Variants in TCP11L2 observed in about 807,000 individuals in gnomAD.
The protein encoded by TCP11L2 is T-complex protein 11-like protein 2.
A neutral mutation model predicts 50.7 loss-of-function variants in TCP11L2; 39 were observed. The ratio of observed to expected loss-of-function variants is 0.77; its 90% CI spans 0.60 to 1.01. TCP11L2 has a LOEUF of 1.01. Among genes scored for constraint, TCP11L2 ranks in the 50% least tolerant of loss-of-function variants. The probability of loss-of-function intolerance (pLI) is 0.00; values close to 1 mark genes in which losing one functional copy is unlikely to be tolerated. For synonymous variants in TCP11L2, 192 were observed against 219.3 expected, an observed-to-expected ratio of 0.88 and a Z score of 1.10; for missense variants, 612 against 614.7, an observed-to-expected ratio of 1.00 and a Z score of 0.05.
At chr12:106,335,596 A>T in intron 6 of TCP11L2, 43 bp from the exon 7 acceptor site, 1 of 1,593,136 alleles carries the variant, frequency 6.3e-7, no homozygotes, top group Non-Finnish European at 8.6e-7. Flanking sequence ...CAGTGAAGGG[A>T]TCAATCAGCT....
At chr12:106,322,783 C>G (rs1429338513) in intron 5 of TCP11L2, among the ~76,000 whole-genome samples, 1 of 152,220 alleles carries the variant, frequency 6.6e-6, no homozygotes, top group Non-Finnish European at 1.5e-5. Context: ...GTGACACTCT[C>G]TGTCAAATGG....
At chr12:106,338,564 T>C (rs780506753) in intron 8 of TCP11L2, among the ~76,000 whole-genome samples, 11 of 152,376 alleles carry the variant, frequency 7.2e-5, no homozygotes, top group Admixed American at 5.2e-4. Flanking sequence ...CAGTCCACCA[T>C]TGATGGTCAT....
In TCP11L2 at chr12:106,346,313, G is replaced by A; in HGVS notation, c.1343G>A (p.Arg448Lys). ...AAACGAATTAAGCTTTACATGAGAA[G>A]GCTACTTTGTCTTCCAAGCCCTCAA... ...IDKRIKLYMR[R>K]LLCLPSPQKC... The change falls in exon 10 of 10, where the codon AGG (arginine) becomes AAG (lysine). Residue 448 changes from arginine (R) to lysine (K), a missense_variant. Transcript: ENST00000299045. 1 of 1,612,530 alleles carries A rather than the reference G, an allele frequency of 6.2e-7. No homozygotes were observed.
rs1555201345 is a variant in TCP11L2, at chr12:106,313,582, A to AAAT, written c.158-774_158-773insTAA. On this transcript the variant is annotated intron_variant, in intron 2 of 9. Coordinates refer to ENST00000299045, the MANE Select transcript of TCP11L2 (RefSeq NM_152772.3). ...CAACAGAGTGAGACTCCATCTCAAA[A>AAAT]AAATAAATAAATAAATAAATAAATA... Among the ~76,000 whole-genome samples, 12 of 139,390 alleles carry AAAT rather than the reference A, an allele frequency of 8.6e-5. No homozygotes were observed. The South Asian group carries it at 1.4e-3, about 16-fold the overall frequency. The allele number at this position is 139,390 out of a possible 152,430, so 91.4% of individuals were successfully genotyped here. A position where few individuals can be genotyped will look rare whatever the true frequency, so the allele number is the denominator to read the frequency against.
At chr12:106,336,406 G>T (rs778532262) in intron 8 of TCP11L2, among the ~76,000 whole-genome samples, 193 bp downstream of exon 8, 11 of 152,088 alleles carry the variant, frequency 7.2e-5, no homozygotes, top group Non-Finnish European at 1.6e-4. Context: ...GAAGGGAGAG[G>T]TGTTTTCCAT....
intron 4 of TCP11L2, among the ~76,000 whole-genome samples, chr12:106,320,799 G>A (rs1463743529): frequency 6.6e-6 from 1 of 152,188 alleles, no homozygotes; most frequent in Non-Finnish European, 1.5e-5. Context: ...ACAATGTGCC[G>A]TGAAAGTGCT....
chr12:106,315,419 A>G (rs1036413347), intron 3 of TCP11L2, among the ~76,000 whole-genome samples: 6 of 152,102 alleles, frequency 3.9e-5, no homozygotes, highest in African/African-American at 1.4e-4. Flanking sequence ...CTTTTTGTTA[A>G]GAGGTCTTAT....
At chr12:106,315,265 A>C (rs2035033762) in intron 3 of TCP11L2, among the ~76,000 whole-genome samples, 1 of 152,008 alleles carries the variant, frequency 6.6e-6, no homozygotes, top group African/African-American at 2.4e-5. Context: ...CAAACAAAAA[A>C]ATTCCCCTAG....
At chr12:106,320,263 T>C (rs948857769) in intron 4 of TCP11L2, among the ~76,000 whole-genome samples, 3 of 152,078 alleles carry the variant, frequency 2.0e-5, no homozygotes, top group African/African-American at 7.2e-5. Flanking sequence ...CTGGATGTGG[T>C]GGTGCACCCC....
chr12:106,328,775 G>T (rs1472343709), intron 6 of TCP11L2, among the ~76,000 whole-genome samples: 2 of 152,188 alleles, frequency 1.3e-5, no homozygotes, highest in Non-Finnish European at 2.9e-5. Context: ...CAAAGGAAAA[G>T]CCAAAATGTC....
chr12:106,342,325 G>T (rs2036114504), intron 9 of TCP11L2, among the ~76,000 whole-genome samples: 1 of 152,184 alleles, frequency 6.6e-6, no homozygotes, highest in Admixed American at 6.5e-5. Flanking sequence ...ATACGACATT[G>T]TGGGCTGCTG....
chr12:106,319,379 T>G (rs912074506), intron 4 of TCP11L2, among the ~76,000 whole-genome samples: 1 of 152,152 alleles, frequency 6.6e-6, no homozygotes, highest in Non-Finnish European at 1.5e-5. Context: ...AGCAGTTTTT[T>G]CCCCCCAAAG....
chr12:106,311,679 T>C (rs892410529), intron 2 of TCP11L2, among the ~76,000 whole-genome samples: 2 of 152,200 alleles, frequency 1.3e-5, no homozygotes, highest in Admixed American at 6.5e-5. Context: ...CAAAAAAATA[T>C]TGTGCAAATC....
At chr12:106,302,337 GCTCAGCCCCCGCTCAGCCC>G (rs2034441321), upstream of TCP11L2, among the ~76,000 whole-genome samples, 1 of 5,688 alleles carries the variant, frequency 1.8e-4, no homozygotes, top group Non-Finnish European at 3.4e-4. Context: ...CTCAGCCCCC[GCTCAGCCCCCGCTCAGCCC>G]CCGCTCAGCC....
chr12:106,329,232 ATCCCCAG>A, intron 6 of TCP11L2: 1 of 1,439,956 alleles, frequency 6.9e-7, no homozygotes, highest in Non-Finnish European at 9.4e-7. Flanking sequence ...TTACCTTTAA[ATCCCCAG>A]TACTTGGTAC....
chr12:106,329,264 A>AGTAG, intron 6 of TCP11L2: 2 of 1,523,712 alleles, frequency 1.3e-6, no homozygotes, highest in Non-Finnish European at 1.8e-6. Context: ...CCTGGGACTG[A>AGTAG]GTAGGTGCCC....
Position 106,336,022 on chromosome 12 carries a change from AAT to A in TCP11L2, c.961-7_961-6del. ...CCTTTCTATTTTTATATTTTAAATA[AAT>A]ATGTTAGACACTTATGACAGATGGA... is the stretch of plus-strand genomic sequence containing the variant. On this transcript the variant is annotated splice_polypyrimidine_tract_variant and splice_region_variant and intron_variant, in intron 7 of 9. Transcript: ENST00000299045. The A allele has an allele frequency of 1.9e-6, 3 of 1,573,954 alleles. No individual in the cohort carries two copies. The highest frequency in any genetic ancestry group is 2.6e-6 in the Non-Finnish European group (3 of 1,165,804).
At chr12:106,306,370 C>T (rs1340176725) in intron 1 of TCP11L2, among the ~76,000 whole-genome samples, 1 of 152,214 alleles carries the variant, frequency 6.6e-6, no homozygotes, top group Non-Finnish European at 1.5e-5. Context: ...TTCTCTCTTG[C>T]ATTTGAATCA....
At chr12:106,319,202 C>A (rs944478240) in intron 4 of TCP11L2, among the ~76,000 whole-genome samples, 1 of 152,332 alleles carries the variant, frequency 6.6e-6, no homozygotes, top group South Asian at 2.1e-4. Flanking sequence ...TGAGCCACCG[C>A]GCCCAGCCTA....
Sources: allele counts gnomAD v4.1 joint callset (sites outside exome capture counted in the v4.1 genomes callset), GRCh38; gene constraint gnomAD v4.1.1; transcripts MANE v1.5; gene names NCBI Gene and HGNC (gene_info 2026-07-23, HGNC 2026-07-21).